Variants in CCDC181 observed in about 807,000 individuals in gnomAD.
CCDC181 encodes the protein coiled-coil domain-containing protein 181.
In CCDC181, 35 loss-of-function variants were observed where a neutral mutation model predicts 58.7. That is an observed-to-expected ratio of 0.60 (90% confidence interval 0.46 to 0.79). The LOEUF is 0.79. Ranked by LOEUF, CCDC181 falls within the 30% of genes least tolerant of loss-of-function variation. CCDC181 has a pLI of 0.00. For synonymous variants in CCDC181, 183 were observed against 197.5 expected (o/e 0.93, Z 0.62); for missense variants, 517 against 583.9 (o/e 0.89, Z 1.18).
At position 169,421,669 on chromosome 1, in the gene CCDC181, C is replaced by G; in HGVS notation, c.762G>C (p.Gln254His). The change falls in exon 3 of 6, where the codon CAG becomes CAC. Residue 254 changes from glutamine (Q) to histidine (H), a missense_variant. Gln to His is a conservative substitution (Grantham distance 24). Transcript: ENST00000367806. ...NANSTENDPQ[Q>H]LLPRSSNSSV... Reference sequence around the variant, plus strand: ...AGGAGTTGGAAGATCTGGGTAACAACTGCTGAGGGTCATTTTCTGTACTAT... The same window carrying G: ...AGGAGTTGGAAGATCTGGGTAACAAGTGCTGAGGGTCATTTTCTGTACTAT... 1 of 1,614,106 alleles carries G rather than the reference C, an allele frequency of 6.2e-7. No individual in the cohort carries two copies. Among genetic ancestry groups the G allele is most frequent in the Non-Finnish European group, 8.5e-7 (1 of 1,180,028 alleles).
chr1:169,404,119 C>G (rs1036701939), intron 4 of CCDC181, among the ~76,000 whole-genome samples: 1 of 152,106 alleles, frequency 6.6e-6, no homozygotes, highest in African/African-American at 2.4e-5. Flanking sequence ...CAGGAAGAAG[C>G]TGAATCCCTG....
chr1:169,412,170 C>T (rs1656000378), intron 4 of CCDC181, among the ~76,000 whole-genome samples: 1 of 152,168 alleles, frequency 6.6e-6, no homozygotes, highest in Admixed American at 6.5e-5. Flanking sequence ...TGATAAGCAA[C>T]TTCAGCAAAG....
chr1:169,398,624 G>T (rs1263571074), intron 4 of CCDC181, among the ~76,000 whole-genome samples: 1 of 152,124 alleles, frequency 6.6e-6, no homozygotes, highest in Non-Finnish European at 1.5e-5. Flanking sequence ...CAAGTCATAA[G>T]TGGCTATTTA....
At chr1:169,413,927 G>T (rs915908931) in intron 4 of CCDC181, among the ~76,000 whole-genome samples, 11 of 152,040 alleles carry the variant, frequency 7.2e-5, no homozygotes, top group Non-Finnish European at 1.6e-4. Context: ...TAGATGACGG[G>T]TTGATGGGTA....
rs754578410 is a variant in CCDC181, at chr1:169,419,014, C to G, written c.1214G>C (p.Arg405Thr). 6.2e-7 allele frequency: 1 copy of G among 1,611,328 alleles called. No homozygotes were observed. The highest frequency in any genetic ancestry group is 8.5e-7 in the Non-Finnish European group (1 of 1,178,196). Residue 405 changes from arginine (R) to threonine (T), a missense_variant and splice_region_variant, in exon 4 of 6, where the codon AGA becomes ACA. Arg to Thr is a moderately conservative substitution (Grantham distance 71). Coordinates refer to ENST00000367806, the MANE Select transcript of CCDC181 (RefSeq NM_001300969.2). The stretch of plus-strand genomic sequence containing the variant: ...ATTTTTCAGAGAAGTTTTACTTACT[C>G]TACTGTTCATGTCTTCAATTTCCTT... ...RAKEIEDMNS[R>T]QENRDPQQAF... is the part of the protein sequence containing the mutation.
intron 4 of CCDC181, among the ~76,000 whole-genome samples, chr1:169,411,377 G>A (rs142079733): frequency 0.084 from 12,831 of 152,174 alleles, 736 homozygotes; most frequent in Admixed American, 0.19. Flanking sequence ...AACAAGTTCT[G>A]AAATTGAGGC....
chr1:169,395,235 T>G, intron 5 of CCDC181, 29 bp from the exon 6 acceptor site: 1 of 1,596,004 alleles, frequency 6.3e-7, no homozygotes, highest in African/African-American at 1.3e-5. Flanking sequence ...TCAGATTTGG[T>G]GAGTATCAAC....
rs1423663009 is a variant in CCDC181 at position 169,440,889 on chromosome 1, C to G, written c.-23-15939G>C. Among the ~76,000 whole-genome samples, 6 of 138,862 alleles carry G rather than the reference C, an allele frequency of 4.3e-5. No individual in the cohort carries two copies. In the Admixed American group the frequency reaches 4.6e-4, roughly 11 times the overall value. 91.1% of individuals were successfully genotyped at this position (138,862 alleles called of 152,430 possible). ...GCAGGAGGCTACAGTGAGTCATGAT[C>G]ATGCCACTGCACTCCAGCCCAGGCA... is the stretch of plus-strand genomic sequence containing the variant. On this transcript the variant is annotated intron_variant, in intron 2 of 6. Transcript: ENST00000545005.
intron 3 of CCDC181, among the ~76,000 whole-genome samples, chr1:169,420,316 C>T (rs932623100): frequency 1.3e-5 from 2 of 151,742 alleles, no homozygotes; most frequent in African/African-American, 2.4e-5. Flanking sequence ...ACCAAGTGAA[C>T]GAAGCTCTAT....
intron 4 of CCDC181, among the ~76,000 whole-genome samples, chr1:169,414,526 C>T (rs1033091132): frequency 1.3e-5 from 2 of 152,008 alleles, no homozygotes; most frequent in Admixed American, 6.6e-5. Context: ...ATACAAGTAC[C>T]CATGGACGGT....
At chr1:169,442,198 T>C (rs4656183) in intron 2 of CCDC181, among the ~76,000 whole-genome samples, 101,644 of 151,918 alleles carry the variant, frequency 0.67, 34,253 homozygotes, top group East Asian at 0.93. Context: ...AAAAAATGTT[T>C]AGATTCTACA....
chr1:169,422,996 G>A (rs1024240534), intron 2 of CCDC181, among the ~76,000 whole-genome samples: 1 of 149,194 alleles, frequency 6.7e-6, no homozygotes, highest in Admixed American at 6.7e-5. Context: ...CACTTCTGCT[G>A]TATCTAACTA....
At position 169,397,236 on chromosome 1, in the gene CCDC181, C is replaced by A. The variant is rs373936753; in HGVS notation, c.1370+1G>T. On this transcript the variant is annotated splice_donor_variant, in intron 5 of 5. Transcript: ENST00000367806. LOFTEE classifies it high-confidence loss of function. ...GGGGAAATGCCCTGCCTTTAACTTA[C>A]TGTTTAAAGGCCCTTTCCCGGCCTT... The A allele has an allele frequency of 1.3e-6, 2 of 1,574,356 alleles. No homozygotes were observed. Among genetic ancestry groups the A allele is most frequent in the Non-Finnish European group, 8.6e-7 (1 of 1,163,308 alleles).
intron 2 of CCDC181, among the ~76,000 whole-genome samples, chr1:169,451,532 C>T (rs914745112): frequency 5.3e-5 from 8 of 152,118 alleles, no homozygotes; most frequent in African/African-American, 1.9e-4. Context: ...TATGTTTTGA[C>T]AAAGTGACAG....
At chr1:169,434,124 A>T (rs1156267000) in intron 2 of CCDC181, among the ~76,000 whole-genome samples, 1 of 152,042 alleles carries the variant, frequency 6.6e-6, no homozygotes, top group Non-Finnish European at 1.5e-5. Flanking sequence ...TCCAATTCAA[A>T]AAATGGACAA....
upstream of CCDC181, among the ~76,000 whole-genome samples, chr1:169,427,752 A>T (rs149309692): frequency 2.0e-3 from 312 of 152,380 alleles, 1 homozygote; most frequent in African/African-American, 6.9e-3. Context: ...GTAGAAAAGT[A>T]GTTTTTAGTT....
chr1:169,396,885 A>G (rs1052533036), intron 5 of CCDC181, among the ~76,000 whole-genome samples: 1 of 152,140 alleles, frequency 6.6e-6, no homozygotes, highest in Non-Finnish European at 1.5e-5. Context: ...TCTGAGGGCT[A>G]TGTAGGAGAA....
At chr1:169,440,957 G>A (rs909888962) in intron 2 of CCDC181, among the ~76,000 whole-genome samples, 1 of 73,732 alleles carries the variant, frequency 1.4e-5, no homozygotes, top group African/African-American at 4.5e-5. Flanking sequence ...GCAAGATGAG[G>A]TATGGCGTAA....
At chr1:169,455,027 G>T (rs1467633674) in intron 2 of CCDC181, among the ~76,000 whole-genome samples, 1 of 151,666 alleles carries the variant, frequency 6.6e-6, no homozygotes, top group Non-Finnish European at 1.5e-5. Flanking sequence ...ATATTCATTT[G>T]TTTTTTGCCA....
Sources: gnomAD v4.1 joint callset for allele counts (sites outside exome capture counted in the v4.1 genomes callset) on GRCh38, gnomAD v4.1.1 for gene constraint, MANE v1.5 for transcripts, NCBI Gene and HGNC (gene_info 2026-07-23, HGNC 2026-07-21) for gene names.